The following ZNF334 variants were observed in gnomAD, a reference collection of about 807,000 sequenced individuals.
ZNF334 encodes zinc finger protein 334.
Under a neutral mutation model 12.4 loss-of-function variants are expected in ZNF334, and 14 were observed. That is an observed-to-expected ratio of 1.13 (90% confidence interval 0.74 to 1.76). The LOEUF (loss-of-function observed/expected upper bound fraction) is 1.76. Ranked by LOEUF, ZNF334 falls within the 40% of genes most tolerant of loss-of-function variation. ZNF334 has a pLI of 0.00. For missense variants in ZNF334, 797 were observed against 804.5 expected (o/e 0.99, Z 0.11); for synonymous variants, 273 against 269.6 (o/e 1.01, Z -0.12).
rs968038480 is a variant in ZNF334 at position 46,512,774 on chromosome 20, A to C, written c.-273T>G. 4 of 152,376 alleles carry C rather than the reference A, an allele frequency of 2.6e-5. No individual in the cohort carries two copies. Among genetic ancestry groups the C allele is most frequent in the Admixed American group, 6.5e-5 (1 of 15,308 alleles). 9.4% of individuals were successfully genotyped at this position (152,376 alleles called of 1,614,324 possible). Reference sequence around the variant, plus strand: ...TTCAGTTATTGGATCTGTCACTAGCAAACTGCATTACTGAAAAAAATATTT... The same window carrying C: ...TTCAGTTATTGGATCTGTCACTAGCCAACTGCATTACTGAAAAAAATATTT... On this transcript the variant is annotated 5_prime_UTR_variant, in exon 1 of 5. Transcript: ENST00000692313.
the ZNF334 span, chr20:46,485,802 T>A: frequency 1.3e-5 from 2 of 152,232 alleles, no homozygotes; most frequent in African/African-American, 4.8e-5. Flanking sequence ...AATCCACTTA[T>A]TAAAGATTTT....
chr20:46,488,962 T>C, the ZNF334 span, among the ~76,000 whole-genome samples: 2 of 152,160 alleles, frequency 1.3e-5, no homozygotes, highest in Admixed American at 1.3e-4. Context: ...TCTTTATCAC[T>C]GGCTTTGAAC....
Position 46,512,175 on chromosome 20 carries a change from C to G in ZNF334, c.-38-35G>C, listed in dbSNP as rs370353218. 9 of 1,547,376 alleles carry G rather than the reference C, an allele frequency of 5.8e-6. No homozygotes were observed. In the Admixed American group the frequency reaches 1.5e-4, roughly 26 times the overall value. On this transcript the variant is annotated intron_variant, in intron 1 of 4. Coordinates refer to ENST00000692313, the MANE Select transcript of ZNF334 (RefSeq NM_001353824.2). ...GAAGAATGGCGAATGGAATCATGAGCGATTTGGCTCACACAGCAGCTCTAC... is the reference window on the plus strand; with the variant it reads ...GAAGAATGGCGAATGGAATCATGAGGGATTTGGCTCACACAGCAGCTCTAC...
At chr20:46,494,642 C>A (rs1400436947), downstream of ZNF334, among the ~76,000 whole-genome samples, 6 of 152,138 alleles carry the variant, frequency 3.9e-5, no homozygotes, top group African/African-American at 9.7e-5. Context: ...TGGGACCTGT[C>A]ATCCCTAATT....
At chr20:46,487,917 C>T in the ZNF334 span, among the ~76,000 whole-genome samples, 1 of 152,098 alleles carries the variant, frequency 6.6e-6, no homozygotes, top group Non-Finnish European at 1.5e-5. Context: ...AAGATCTTGC[C>T]CTCTAAGGGC....
chr20:46,506,441 C>G, intron 2 of ZNF334: 1 of 422,868 alleles, frequency 2.4e-6, no homozygotes, highest in South Asian at 7.1e-5. Context: ...GTCTGGGCAA[C>G]ACGGCAAAAC....
At chr20:46,498,956 C>T (rs1035020696), downstream of ZNF334, among the ~76,000 whole-genome samples, 12 of 151,838 alleles carry the variant, frequency 7.9e-5, no homozygotes, top group African/African-American at 2.2e-4. Context: ...GGGCGGATCA[C>T]GAGGTCAGGA....
At chr20:46,504,105 G>T in intron 4 of ZNF334, 109 bp downstream of exon 4, 2 of 681,416 alleles carry the variant, frequency 2.9e-6, no homozygotes, top group Non-Finnish European at 4.8e-6. Flanking sequence ...AAAGGTCTGG[G>T]CCAACAAAAA....
the ZNF334 span, among the ~76,000 whole-genome samples, chr20:46,470,159 G>A: frequency 3.9e-5 from 6 of 152,216 alleles, no homozygotes; most frequent in African/African-American, 1.4e-4. Flanking sequence ...GGGCCAAAGA[G>A]GGACAGTGAG....
At chr20:46,498,511 T>C (rs1195083132), downstream of ZNF334, among the ~76,000 whole-genome samples, 2 of 152,322 alleles carry the variant, frequency 1.3e-5, no homozygotes, top group East Asian at 3.9e-4. Flanking sequence ...ACTGCATCCC[T>C]GGTCAACATC....
chr20:46,472,260 A>G, the ZNF334 span, among the ~76,000 whole-genome samples: 1 of 152,220 alleles, frequency 6.6e-6, no homozygotes, highest in Non-Finnish European at 1.5e-5. Context: ...TTGCTGTTCT[A>G]GACCCTGAGG....
At chr20:46,470,688 A>G in the ZNF334 span, among the ~76,000 whole-genome samples, 2 of 152,196 alleles carry the variant, frequency 1.3e-5, no homozygotes, top group African/African-American at 2.4e-5. Flanking sequence ...TAAACACTCT[A>G]TTTTAGCTTT....
At chr20:46,512,209 A>G (rs1814180435) in intron 1 of ZNF334, 69 bp from the exon 2 acceptor site, 2 of 1,125,924 alleles carry the variant, frequency 1.8e-6, no homozygotes, top group Non-Finnish European at 1.3e-6. Flanking sequence ...ACAATTACCT[A>G]CAAAGCCACA....
At position 46,506,805 on chromosome 20, in the gene ZNF334, G is replaced by A. The variant is rs6011975; in HGVS notation, c.22-2065C>T. On this transcript the variant is annotated intron_variant, in intron 2 of 4. Transcript: ENST00000692313. The stretch of plus-strand genomic sequence containing the variant: ...ACTTCTCTAAAATATCTTTCTATAC[G>A]GTTTTGATTCTTAGAACTATGGTAG... Among the ~76,000 whole-genome samples the A allele has an allele frequency of 3.1e-3, 464 of 152,064 alleles. 3 individuals are homozygous for A. The highest frequency in any genetic ancestry group is 0.011 in the African/African-American group (436 of 41,474).
In ZNF334 at chr20:46,502,000, C is replaced by G; in HGVS notation, c.1339G>C (p.Ala447Pro). ...QCGKFLCTKS[A>P]LIAHQITHRG... ...TGAGTTATCTGATGTGCAATGAGGG[C>G]TGATTTCGTACATAAAAATTTTCCA... Residue 447 changes from alanine (A) to proline (P), a missense_variant, in exon 5 of 5, where the codon GCC becomes CCC. By Grantham distance (27) the Ala-to-Pro change is conservative (BLOSUM62 -1). Transcript: ENST00000692313. 6.2e-7 allele frequency: 1 copy of G among 1,613,968 alleles called. No individual in the cohort carries two copies. The highest frequency in any genetic ancestry group is 1.1e-5 in the South Asian group (1 of 91,072).
At chr20:46,478,764 G>A in the ZNF334 span, among the ~76,000 whole-genome samples, 2 of 152,216 alleles carry the variant, frequency 1.3e-5, no homozygotes. Context: ...AAATGAAGGA[G>A]CAAGGGAATA....
the ZNF334 span, chr20:46,464,079 C>T: frequency 5.7e-5 from 35 of 617,954 alleles, no homozygotes; most frequent in Middle Eastern, 2.9e-4. Context: ...CAATGAGCTC[C>T]GAGAAGTGGT....
At position 46,500,976 on chromosome 20, in the gene ZNF334, A is replaced by C; in HGVS notation, c.*320T>G. 3.8e-6 allele frequency: 1 copy of C among 264,896 alleles called. No homozygotes were observed. The highest frequency in any genetic ancestry group is 7.2e-6 in the Non-Finnish European group (1 of 138,944). The allele number at this position is 264,896 out of a possible 1,614,324, so 16.4% of individuals were successfully genotyped here. On this transcript the variant is annotated 3_prime_UTR_variant, in exon 5 of 5. Transcript: ENST00000692313. ...CACCTCGTAACATACACTATCAAGT[A>C]ACACTGTGGGGAGGAACCAAGTAAC...
At chr20:46,475,562 C>T in the ZNF334 span, among the ~76,000 whole-genome samples, 5 of 151,030 alleles carry the variant, frequency 3.3e-5, no homozygotes, top group Non-Finnish European at 5.9e-5. Context: ...AAAGACCTCT[C>T]GAAACTCAAC....
Sources: gnomAD v4.1 joint callset for allele counts (sites outside exome capture counted in the v4.1 genomes callset) on GRCh38, gnomAD v4.1.1 for gene constraint, MANE v1.5 for transcripts, NCBI Gene and HGNC (gene_info 2026-07-23, HGNC 2026-07-21) for gene names.